CORIN: variants seen among roughly 807,000 people sequenced by gnomAD.
The protein encoded by CORIN is corin, serine peptidase.
A neutral mutation model predicts 125.3 loss-of-function variants in CORIN; 117 were observed. That is an observed-to-expected ratio of 0.93 (90% confidence interval 0.80 to 1.09). CORIN has a LOEUF of 1.09. Ranked by LOEUF, CORIN falls within the 50% of genes least tolerant of loss-of-function variation. The pLI is 0.00. For missense variants in CORIN, 1,253 were observed against 1,306.7 expected, an observed-to-expected ratio of 0.96 and a Z score of 0.63; for synonymous variants, 450 against 466.4, an observed-to-expected ratio of 0.96 and a Z score of 0.45.
chr4:47,604,123 C>T (rs896351935), intron 19 of CORIN, among the ~76,000 whole-genome samples: 3 of 152,230 alleles, frequency 2.0e-5, no homozygotes, highest in African/African-American at 7.2e-5. Flanking sequence ...CACCCACGAC[C>T]TCCAATGGTC....
chr4:47,643,165 A>T lies in CORIN; in HGVS notation c.2049T>A (p.Ser683Arg). Reference sequence around the variant, plus strand: ...GCTCACCACAGTCCCATTCATCTGAACTGTCTGAGCAGTCGGCTTCACCAT... The same window carrying T: ...GCTCACCACAGTCCCATTCATCTGATCTGTCTGAGCAGTCGGCTTCACCAT... ...WCDGEADCSD[S>R]SDEWDCVTLS... The change falls in exon 15 of 22, where the codon AGT becomes AGA. Residue 683 changes from serine (S) to arginine (R), a missense_variant. Ser to Arg is a moderately radical substitution (Grantham distance 110). Coordinates refer to ENST00000273857, the MANE Select transcript of CORIN (RefSeq NM_006587.4). 6.2e-7 allele frequency: 1 copy of T among 1,614,116 alleles called. No homozygotes were observed. Among genetic ancestry groups the T allele is most frequent in the Non-Finnish European group, 8.5e-7 (1 of 1,179,984 alleles).
rs1027416259 is a variant in CORIN, at chr4:47,767,363, G to GA, written c.410-3778dup. Among the ~76,000 whole-genome samples, 153 of 138,728 alleles carry GA rather than the reference G, an allele frequency of 1.1e-3. 2 individuals carry two copies. The highest frequency in any genetic ancestry group is 3.7e-3 in the African/African-American group (140 of 37,926). The allele number at this position is 138,728 out of a possible 152,430, so 91.0% of individuals were successfully genotyped here. ...GCCACAAAATTACCACCATTAAAAAGAAAAAAAAAGAAAAATATTCATCTA... is the reference window on the plus strand; with the variant it reads ...GCCACAAAATTACCACCATTAAAAAGAAAAAAAAAAGAAAAATATTCATCTA... On this transcript the variant is annotated intron_variant, in intron 3 of 21. Transcript: ENST00000273857.
chr4:47,835,357 C>T (rs1733337929), intron 1 of CORIN, among the ~76,000 whole-genome samples: 1 of 152,178 alleles, frequency 6.6e-6, no homozygotes, highest in African/African-American at 2.4e-5. Flanking sequence ...GTCAAACAAA[C>T]CTTTCCCCCT....
intron 3 of CORIN, among the ~76,000 whole-genome samples, chr4:47,775,425 G>A (rs1453664632): frequency 1.3e-5 from 2 of 151,958 alleles, no homozygotes; most frequent in Non-Finnish European, 2.9e-5. Flanking sequence ...GTGTCCAAGT[G>A]TTCTCATTGT....
intron 3 of CORIN, among the ~76,000 whole-genome samples, chr4:47,773,126 G>T (rs1295853636): frequency 2.6e-5 from 4 of 152,050 alleles, no homozygotes; most frequent in Non-Finnish European, 5.9e-5. Context: ...TTTAAAAAAA[G>T]AATTTGGAAT....
chr4:47,645,295 G>C, intron 13 of CORIN, 101 bp from the exon 14 acceptor site: 1 of 703,894 alleles, frequency 1.4e-6, no homozygotes, highest in Non-Finnish European at 2.4e-6. Context: ...CATGATGTTG[G>C]CAGGGCGCAG....
intron 21 of CORIN, among the ~76,000 whole-genome samples, chr4:47,599,022 T>C (rs756935076): frequency 5.9e-5 from 9 of 152,192 alleles, no homozygotes; most frequent in Admixed American, 2.6e-4. Flanking sequence ...GTTAGATAAC[T>C]TCCCCGGGTT....
intron 3 of CORIN, among the ~76,000 whole-genome samples, chr4:47,769,446 T>C (rs1354360157): frequency 2.0e-5 from 3 of 152,108 alleles, no homozygotes; most frequent in African/African-American, 4.8e-5. Flanking sequence ...AAAATATTCA[T>C]ACTACCCAAA....
chr4:47,611,881 T>C (rs1177928916), intron 19 of CORIN, among the ~76,000 whole-genome samples: 3 of 152,218 alleles, frequency 2.0e-5, no homozygotes, highest in Non-Finnish European at 4.4e-5. Context: ...TCTTTTTGTA[T>C]TGAACCAGCA....
At chr4:47,752,292 C>T (rs549349971) in intron 4 of CORIN, among the ~76,000 whole-genome samples, 173 of 152,264 alleles carry the variant, frequency 1.1e-3, no homozygotes, top group Middle Eastern at 3.4e-3. Context: ...TATCTCTCAC[C>T]GGCATAACAT....
At chr4:47,600,413 G>T in intron 20 of CORIN, 66 bp from the exon 21 acceptor site, 2 of 1,096,366 alleles carry the variant, frequency 1.8e-6, no homozygotes, top group Non-Finnish European at 1.3e-6. Context: ...GGCTAGTGAG[G>T]CTAGCCAAAT....
At chr4:47,685,147 T>C (rs1177260546) in intron 6 of CORIN, among the ~76,000 whole-genome samples, 1 of 152,176 alleles carries the variant, frequency 6.6e-6, no homozygotes, top group African/African-American at 2.4e-5. Context: ...ATACAATTAA[T>C]TTGTGAATTC....
chr4:47,695,719 T>C (rs1424180900), intron 5 of CORIN, among the ~76,000 whole-genome samples: 1 of 152,266 alleles, frequency 6.6e-6, no homozygotes, highest in Non-Finnish European at 1.5e-5. Context: ...AAAACTAGAA[T>C]AACTTTTGTA....
intron 3 of CORIN, among the ~76,000 whole-genome samples, chr4:47,770,988 G>A (rs912670997): frequency 6.6e-6 from 1 of 152,002 alleles, no homozygotes; most frequent in Admixed American, 6.6e-5. Flanking sequence ...TAATAATAAT[G>A]CCCTGTACAC....
chr4:47,691,642 C>T (rs184816384), intron 6 of CORIN, among the ~76,000 whole-genome samples: 2 of 151,964 alleles, frequency 1.3e-5, no homozygotes, highest in Admixed American at 1.3e-4. Flanking sequence ...AGGCAAATGT[C>T]TTTTTTTAAA....
rs541463964 is a variant in CORIN, at chr4:47,749,343, T to C, written c.618-4760A>G. ...AACAGACTCTCTCCCTTACTGGCTTTGATGAAGCAACTTGTCATATTGAGG... is the reference window on the plus strand; with the variant it reads ...AACAGACTCTCTCCCTTACTGGCTTCGATGAAGCAACTTGTCATATTGAGG... On this transcript the variant is annotated intron_variant, in intron 4 of 21. Coordinates refer to ENST00000273857, the MANE Select transcript of CORIN (RefSeq NM_006587.4). Among the ~76,000 whole-genome samples, 14 of 152,306 alleles carry C rather than the reference T, an allele frequency of 9.2e-5. No individual in the cohort carries two copies. The South Asian group carries it at 2.7e-3, about 29-fold the overall frequency.
At position 47,618,073 on chromosome 4, in the gene CORIN, G is replaced by A. The variant is rs549199331; in HGVS notation, c.2540+5498C>T. ...ATGTGGGCTGAGCGCAGTGGCTCAT[G>A]CCTGTAATCCCAGTACTTTGGGAGG... On this transcript the variant is annotated intron_variant, in intron 19 of 21. Transcript: ENST00000273857. Among the ~76,000 whole-genome samples the A allele has an allele frequency of 5.8e-4, 89 of 152,308 alleles. 1 individual carries two copies. The highest frequency in any genetic ancestry group is 3.4e-3 in the Middle Eastern group (1 of 294).
chr4:47,652,402 C>T (rs1293441580), intron 13 of CORIN, among the ~76,000 whole-genome samples: 1 of 152,120 alleles, frequency 6.6e-6, no homozygotes, highest in Non-Finnish European at 1.5e-5. Flanking sequence ...ACTTCAAAGG[C>T]CAAAAGAATG....
intron 1 of CORIN, among the ~76,000 whole-genome samples, chr4:47,810,065 AG>A (rs1378050607): frequency 6.6e-6 from 1 of 152,188 alleles, no homozygotes; most frequent in Non-Finnish European, 1.5e-5. Flanking sequence ...TGGCAAGGGT[AG>A]GGAACGATGC....
Sources: gnomAD v4.1 joint callset for allele counts (sites outside exome capture counted in the v4.1 genomes callset) on GRCh38, gnomAD v4.1.1 for gene constraint, MANE v1.5 for transcripts, NCBI Gene and HGNC (gene_info 2026-07-23, HGNC 2026-07-21) for gene names.